Variants in WNK3 observed in about 807,000 individuals in gnomAD.
WNK3 encodes serine/threonine-protein kinase WNK3.
A neutral mutation model predicts 116.7 loss-of-function variants in WNK3; 18 were observed. The ratio of observed to expected loss-of-function variants is 0.15; its 90% CI spans 0.11 to 0.23. WNK3 has a LOEUF of 0.23. Ranked by LOEUF, WNK3 falls within the 10% of genes least tolerant of loss-of-function variation. The pLI, the probability that WNK3 is intolerant of heterozygous loss-of-function variation, is 1.00. For synonymous variants in WNK3, 404 were observed against 469.4 expected (o/e 0.86, Z 1.80); for missense variants, 993 against 1,323.8 (o/e 0.75, Z 3.88).
At chrX:54,201,835 T>A (rs1173869425) in intron 23 of WNK3, among the ~76,000 whole-genome samples, 156 bp downstream of exon 23, 2 of 112,010 alleles carry the variant, frequency 1.8e-5, no homozygotes, top group Non-Finnish European at 3.8e-5. Flanking sequence ...AAAATATAAT[T>A]TGCTCAAAGA....
At chrX:54,296,738 C>A (rs1321264229) in intron 7 of WNK3, among the ~76,000 whole-genome samples, 1 of 111,178 alleles carries the variant, frequency 9.0e-6, no homozygotes, top group Non-Finnish European at 1.9e-5. Context: ...GTGAGCCTGG[C>A]GCAGATGGTT....
intron 3 of WNK3, among the ~76,000 whole-genome samples, chrX:54,310,146 A>G (rs2068870222): frequency 9.2e-6 from 1 of 108,677 alleles, no homozygotes; most frequent in Non-Finnish European, 1.9e-5. Flanking sequence ...TATACTATAT[A>G]ATACTATAAT....
chrX:54,295,635 C>T (rs961408025), intron 7 of WNK3, among the ~76,000 whole-genome samples: 3 of 111,642 alleles, frequency 2.7e-5, no homozygotes, highest in African/African-American at 9.8e-5. Flanking sequence ...AGTAGGAGCA[C>T]GCTGCATCTC....
At chrX:54,296,058 A>G (rs187764173) in intron 7 of WNK3, among the ~76,000 whole-genome samples, 51 of 112,152 alleles carry the variant, frequency 4.5e-4, no homozygotes, top group African/African-American at 1.6e-3. Flanking sequence ...GATGTGCAGA[A>G]GTTTGGAGTG....
chrX:54,286,204 C>CA lies in WNK3; in HGVS notation c.2037+6683dup, dbSNP rs34447204. ...TGTGTAGTGCAGGAAAACAAACAAA[C>CA]AAAAAAAAAAAGGTGGGGGGGGAGA... is the stretch of plus-strand genomic sequence containing the variant. On this transcript the variant is annotated intron_variant, in intron 10 of 23. Transcript: ENST00000354646. Among the ~76,000 whole-genome samples, 140 of 87,668 alleles carry CA rather than the reference C, an allele frequency of 1.6e-3. 1 individual carries two copies. Among genetic ancestry groups the CA allele is most frequent in the South Asian group, 2.7e-3 (5 of 1,829 alleles). The allele number at this position is 87,668 out of a possible 115,157, so 76.1% of individuals were successfully genotyped here.
At position 54,217,956 on chromosome X, in the gene WNK3, A is replaced by C. The variant is rs190989095; in HGVS notation, c.4870+10758T>G. The stretch of plus-strand genomic sequence containing the variant: ...CCAGTTTGCACCACAAAATTAAGAG[A>C]CACGCAAAGAAACAGGAAAGCATGA... On this transcript the variant is annotated intron_variant, in intron 22 of 23. Transcript: ENST00000354646. Among the ~76,000 whole-genome samples the C allele has an allele frequency of 2.2e-3, 243 of 111,861 alleles. 2 individuals carry two copies. Among genetic ancestry groups the C allele is most frequent in the African/African-American group, 7.4e-3 (228 of 30,842 alleles).
intron 2 of WNK3, among the ~76,000 whole-genome samples, chrX:54,324,544 C>A (rs1342206991): frequency 8.9e-6 from 1 of 112,177 alleles, no homozygotes; most frequent in Non-Finnish European, 1.9e-5. Flanking sequence ...TAATAAAGTT[C>A]GTGACTAGTT....
At chrX:54,252,335 C>A (rs1397515130) in intron 13 of WNK3, among the ~76,000 whole-genome samples, 2 of 110,188 alleles carry the variant, frequency 1.8e-5, no homozygotes, top group Non-Finnish European at 3.8e-5. Context: ...ATGTCCAAAC[C>A]CAAAAGCTTT....
intron 10 of WNK3, among the ~76,000 whole-genome samples, chrX:54,274,389 C>T (rs1426678497): frequency 4.5e-5 from 5 of 111,543 alleles, no homozygotes; most frequent in East Asian, 2.8e-4. Flanking sequence ...TCCATAACAT[C>T]CACCCACCTA....
chrX:54,348,414 G>A (rs1369177014), intron 1 of WNK3, among the ~76,000 whole-genome samples: 1 of 111,264 alleles, frequency 9.0e-6, no homozygotes, highest in Non-Finnish European at 1.9e-5. Flanking sequence ...CAGGTGATCC[G>A]CTGGCCTCGG....
chrX:54,222,915 A>AATATAATATATATATAT (rs2067784168), intron 22 of WNK3, among the ~76,000 whole-genome samples: 1 of 81,042 alleles, frequency 1.2e-5, no homozygotes, highest in African/African-American at 5.8e-5. Context: ...TAATAATAAT[A>AATATAATATATATATAT]ATATATATAT....
At chrX:54,234,699 G>A (rs1210651200) in intron 20 of WNK3, among the ~76,000 whole-genome samples, 3 of 109,281 alleles carry the variant, frequency 2.7e-5, no homozygotes, top group African/African-American at 1.0e-4. Context: ...GGTGGCGGGT[G>A]CCTATAGTCC....
intron 1 of WNK3, among the ~76,000 whole-genome samples, chrX:54,346,477 G>A (rs782055690): frequency 4.7e-5 from 5 of 106,677 alleles, no homozygotes; most frequent in South Asian, 4.2e-4. Flanking sequence ...GGTATTGTGC[G>A]CCTGTAGTCC....
exon 10 of WNK3, chrX:54,292,901 A>G: frequency 1.7e-6 from 2 of 1,209,666 alleles, no homozygotes; most frequent in East Asian, 3.0e-5. Flanking sequence ...TATCTGTGGG[A>G]CCTTCTGAAC....
chrX:54,247,012 A>G (rs2068079950), intron 17 of WNK3, among the ~76,000 whole-genome samples: 1 of 112,128 alleles, frequency 8.9e-6, no homozygotes, highest in Non-Finnish European at 1.9e-5. Flanking sequence ...ATCTGTACTT[A>G]GTCAATCAAG....
At chrX:54,317,355 T>C (rs2068971078) in intron 2 of WNK3, among the ~76,000 whole-genome samples, 1 of 110,138 alleles carries the variant, frequency 9.1e-6, no homozygotes, top group African/African-American at 3.3e-5. Context: ...GGACGGGGTT[T>C]CACCATGTTG....
intron 1 of WNK3, among the ~76,000 whole-genome samples, chrX:54,353,975 G>A (rs1343998055): frequency 1.9e-5 from 2 of 105,996 alleles, no homozygotes; most frequent in African/African-American, 6.9e-5. Context: ...CCAGTTCCTC[G>A]GGAGGCTGAG....
In WNK3 at chrX:54,283,865, GA is replaced by G. The variant is rs782302268; in HGVS notation, c.2037+9022del. ...TGAAGCTGTTAGGATATTCCTAGAG[GA>G]AAAAAAAAAAAAAAGAAACTTGACC... On this transcript the variant is annotated intron_variant, in intron 10 of 23. Coordinates refer to ENST00000354646, the Ensembl canonical transcript of WNK3. 7.7e-3 allele frequency among the ~76,000 whole-genome samples: 671 copies of G among 86,980 alleles called. 5 individuals carry two copies. Among genetic ancestry groups the G allele is most frequent in the African/African-American group, 0.023 (545 of 23,962 alleles). The allele number at this position is 86,980 out of a possible 115,157, so 75.5% of individuals were successfully genotyped here. A position where few individuals can be genotyped will look rare whatever the true frequency, so the allele number is the denominator to read the frequency against.
chrX:54,287,886 G>T (rs190882065), intron 10 of WNK3, among the ~76,000 whole-genome samples: 11 of 112,015 alleles, frequency 9.8e-5, no homozygotes, highest in Non-Finnish European at 7.5e-5. Context: ...AGGATTTACC[G>T]TTGGAATTTC....
Sources: gnomAD v4.1 joint callset for allele counts (sites outside exome capture counted in the v4.1 genomes callset) on GRCh38, gnomAD v4.1.1 for gene constraint, MANE v1.5 for transcripts, NCBI Gene and HGNC (gene_info 2026-07-23, HGNC 2026-07-21) for gene names.